The following HDAC8 variants were observed in gnomAD, a reference collection of about 807,000 sequenced individuals.
HDAC8 encodes the protein histone deacetylase 8.
A neutral mutation model predicts 32.2 loss-of-function variants in HDAC8; 1 was observed. That is an observed-to-expected ratio of 0.03 (90% CI 0.01 to 0.15). The LOEUF is 0.15. Among genes scored for constraint, HDAC8 ranks in the 10% least tolerant of loss-of-function variants. The pLI is 1.00. For missense variants in HDAC8, 117 were observed against 300.0 expected (o/e 0.39, Z 4.51); for synonymous variants, 108 against 113.9 (o/e 0.95, Z 0.33).
At chrX:72,513,845 C>T (rs891600834) in intron 4 of HDAC8, among the ~76,000 whole-genome samples, 17 of 111,346 alleles carry the variant, frequency 1.5e-4, no homozygotes, top group Admixed American at 1.2e-3. Flanking sequence ...GGCCTGTGAC[C>T]CATTGTTCAA....
At chrX:72,545,252 A>G (rs1270402067) in intron 4 of HDAC8, among the ~76,000 whole-genome samples, 1 of 112,184 alleles carries the variant, frequency 8.9e-6, no homozygotes, top group Admixed American at 9.4e-5. Context: ...GACAAACAAT[A>G]TCAAGGCTGA....
rs782126994 is a variant in HDAC8 at position 72,398,662 on chromosome X, A to G, written c.1006-46824T>C. Among the ~76,000 whole-genome samples the G allele has an allele frequency of 1.9e-3, 207 of 110,294 alleles. 5 individuals carry two copies. The highest frequency in any genetic ancestry group is 4.4e-4 in the Non-Finnish European group (23 of 52,809). ...CGGGATTGTCTTTTTATGTATTGGTATATAGAAGTTTGTAGATTCTGAATG... is the reference window on the plus strand; with the variant it reads ...CGGGATTGTCTTTTTATGTATTGGTGTATAGAAGTTTGTAGATTCTGAATG... On this transcript the variant is annotated intron_variant, in intron 9 of 10. Transcript: ENST00000373573.
chrX:72,571,978 T>C lies in HDAC8; in HGVS notation c.164+79A>G, dbSNP rs2147614085. 5.9e-6 allele frequency: 5 copies of C among 851,380 alleles called. No homozygotes were observed. In the Admixed American group the frequency reaches 1.5e-4, roughly 26 times the overall value. 70.2% of individuals were successfully genotyped at this position (851,380 alleles called of 1,213,427 possible). On this transcript the variant is annotated intron_variant, in intron 2 of 10. Transcript: ENST00000373573. ...ATAATTTTTTCAAAAGACCATTCTT[T>C]TCCTTGCCCCACTGTGAAGCAGGAT...
At chrX:72,540,141 C>A (rs782486431) in intron 4 of HDAC8, among the ~76,000 whole-genome samples, 2 of 112,290 alleles carry the variant, frequency 1.8e-5, no homozygotes, top group South Asian at 7.5e-4. Context: ...CCAAGTCTGA[C>A]TCTTTTCCTC....
intron 9 of HDAC8, among the ~76,000 whole-genome samples, chrX:72,365,060 C>T (rs1007052971): frequency 1.1e-4 from 12 of 111,854 alleles, no homozygotes; most frequent in Admixed American, 1.9e-4. Flanking sequence ...ATCCCTTTTC[C>T]GAAATACTTG....
At chrX:72,343,629 T>C (rs782048611) in intron 10 of HDAC8, among the ~76,000 whole-genome samples, 13 of 111,193 alleles carry the variant, frequency 1.2e-4, no homozygotes, top group Admixed American at 1.9e-4. Context: ...TCTTCCACAC[T>C]AGAATGTAAT....
chrX:72,547,546 A>G (rs1276471255), intron 4 of HDAC8, among the ~76,000 whole-genome samples: 1 of 110,116 alleles, frequency 9.1e-6, no homozygotes, highest in Non-Finnish European at 1.9e-5. Context: ...CCAAATCTGG[A>G]TATCAAATTT....
chrX:72,572,843 TGATC>T (rs1350641766), upstream of HDAC8: 7 of 797,887 alleles, frequency 8.8e-6, no homozygotes, highest in Non-Finnish European at 1.3e-5. Context: ...CCTGCTCCTC[TGATC>T]GGCCGCAGCG....
At chrX:72,407,538 A>G (rs1226634600) in intron 9 of HDAC8, among the ~76,000 whole-genome samples, 2 of 112,029 alleles carry the variant, frequency 1.8e-5, no homozygotes, top group Non-Finnish European at 3.8e-5. Context: ...TAGCTGAACT[A>G]AGGAAAAGTC....
rs182538958 is a variant in HDAC8, at chrX:72,413,364, G to A, written c.1005+48640C>T. 7.2e-3 allele frequency among the ~76,000 whole-genome samples: 731 copies of A among 101,378 alleles called. 7 individuals are homozygous for A. Among genetic ancestry groups the A allele is most frequent in the African/African-American group, 0.026 (707 of 27,338 alleles). The allele number at this position is 101,378 out of a possible 115,157, so 88.0% of individuals were successfully genotyped here. A position where few individuals can be genotyped will look rare whatever the true frequency, so the allele number is the denominator to read the frequency against. On this transcript the variant is annotated intron_variant, in intron 9 of 10. Transcript: ENST00000373573. ...TTCCCACCTATGAGTGAGAACATGC[G>A]CCACGTGGCACATATACACCATGGA...
chrX:72,399,357 C>T lies in HDAC8; in HGVS notation c.1006-47519G>A, dbSNP rs1188901629. Among the ~76,000 whole-genome samples the T allele has an allele frequency of 4.5e-5, 5 of 111,201 alleles. No individual in the cohort carries two copies. The East Asian group carries it at 1.1e-3, about 25-fold the overall frequency. On this transcript the variant is annotated intron_variant, in intron 9 of 10. Coordinates refer to ENST00000373573, the MANE Select transcript of HDAC8 (RefSeq NM_018486.3). ...TTAGCCTATTTGTCAACCTGTGCACCAATATTACACTGTTATAAATACTAT... is the reference window on the plus strand; with the variant it reads ...TTAGCCTATTTGTCAACCTGTGCACTAATATTACACTGTTATAAATACTAT...
chrX:72,462,557 A>G (rs2047896246), intron 8 of HDAC8: 1 of 113,100 alleles, frequency 8.8e-6, no homozygotes, highest in African/African-American at 3.2e-5. Context: ...AACCCAGGAA[A>G]GAGAAAAGGA....
intron 4 of HDAC8, among the ~76,000 whole-genome samples, chrX:72,541,036 T>G (rs925114597): frequency 5.1e-4 from 57 of 111,729 alleles, no homozygotes; most frequent in African/African-American, 1.8e-3. Flanking sequence ...ATGAAGCTTA[T>G]GCTCTAGTGG....
At chrX:72,435,051 G>A (rs1211964750) in intron 9 of HDAC8, among the ~76,000 whole-genome samples, 1 of 112,445 alleles carries the variant, frequency 8.9e-6, no homozygotes, top group Non-Finnish European at 1.9e-5. Flanking sequence ...ATTTCAAAAG[G>A]TACCAGAAGG....
At chrX:72,506,223 T>C (rs2049387351) in intron 4 of HDAC8, among the ~76,000 whole-genome samples, 1 of 112,491 alleles carries the variant, frequency 8.9e-6, no homozygotes, top group Admixed American at 9.4e-5. Context: ...ATGCATACCT[T>C]TTACATGAAA....
In HDAC8 at chrX:72,417,621, T is replaced by C. The variant is rs367941290; in HGVS notation, c.1005+44383A>G. On this transcript the variant is annotated intron_variant, in intron 9 of 10. Transcript: ENST00000373573. ...CATGCTCAGATAGGAAGACTCAATATTTTTAAAATGGCCATACTGCCCAAA... is the reference window on the plus strand; with the variant it reads ...CATGCTCAGATAGGAAGACTCAATACTTTTAAAATGGCCATACTGCCCAAA... Among the ~76,000 whole-genome samples, 26 of 112,122 alleles carry C rather than the reference T, an allele frequency of 2.3e-4. No individual in the cohort carries two copies. The South Asian group carries it at 9.2e-3, about 40-fold the overall frequency.
chrX:72,414,188 C>T (rs1399369504), intron 9 of HDAC8, among the ~76,000 whole-genome samples: 1 of 112,335 alleles, frequency 8.9e-6, no homozygotes, highest in Non-Finnish European at 1.9e-5. Flanking sequence ...TTTCAAAGCA[C>T]TTTCATGTAT....
chrX:72,420,072 A>AT (rs782586191), intron 9 of HDAC8, among the ~76,000 whole-genome samples: 15 of 110,660 alleles, frequency 1.4e-4, no homozygotes, highest in East Asian at 1.1e-3. Flanking sequence ...TTTTCTTGTG[A>AT]TTTTTTTTCT....
intron 7 of HDAC8, among the ~76,000 whole-genome samples, chrX:72,477,130 CA>C (rs1361518782): frequency 2.7e-5 from 3 of 111,878 alleles, no homozygotes; most frequent in African/African-American, 9.7e-5. Context: ...GATTGGAAGC[CA>C]AACAGCTATT....
Sources: gnomAD v4.1 joint callset for allele counts (sites outside exome capture counted in the v4.1 genomes callset) on GRCh38, gnomAD v4.1.1 for gene constraint, MANE v1.5 for transcripts, NCBI Gene and HGNC (gene_info 2026-07-23, HGNC 2026-07-21) for gene names.